Variants in PEX14 observed in about 807,000 individuals in gnomAD.
PEX14 encodes the protein peroxisomal biogenesis factor 14.
Under a neutral mutation model 49.5 loss-of-function variants are expected in PEX14, and 15 were observed. That is an observed-to-expected ratio of 0.30 (90% CI 0.20 to 0.47). PEX14 has a LOEUF of 0.47. Ranked by LOEUF, PEX14 falls within the 20% of genes least tolerant of loss-of-function variation. The pLI is 1.00. For synonymous variants in PEX14, 210 were observed against 212.7 expected, an observed-to-expected ratio of 0.99 and a Z score of 0.11; for missense variants, 398 against 494.8, an observed-to-expected ratio of 0.80 and a Z score of 1.86.
chr1:10,484,434 A>G (rs1185968599), intron 1 of PEX14, among the ~76,000 whole-genome samples: 4 of 151,614 alleles, frequency 2.6e-5, no homozygotes, highest in Non-Finnish European at 4.4e-5. Context: ...TGGCCTCCCA[A>G]TGTGTTGGGA....
chr1:10,528,593 C>G (rs1638557896), intron 2 of PEX14, among the ~76,000 whole-genome samples: 2 of 152,188 alleles, frequency 1.3e-5, no homozygotes, highest in South Asian at 4.1e-4. Context: ...CAGCTTGACA[C>G]CTTCATTAAT....
chr1:10,520,913 G>C (rs1341274590), intron 2 of PEX14, among the ~76,000 whole-genome samples: 1 of 151,378 alleles, frequency 6.6e-6, no homozygotes, highest in Non-Finnish European at 1.5e-5. Flanking sequence ...CCAGCTTTCT[G>C]GTTTCCAGAC....
chr1:10,542,121 T>TA (rs1169010448), intron 3 of PEX14, among the ~76,000 whole-genome samples: 2 of 152,186 alleles, frequency 1.3e-5, no homozygotes, highest in African/African-American at 4.8e-5. Flanking sequence ...GTAAGGCATA[T>TA]ACATGGTCTT....
At chr1:10,605,807 A>G (rs998826198) in intron 4 of PEX14, among the ~76,000 whole-genome samples, 3 of 152,184 alleles carry the variant, frequency 2.0e-5, no homozygotes, top group Non-Finnish European at 1.5e-5. Flanking sequence ...GTATATGAAG[A>G]AAGTATTTCT....
At chr1:10,600,225 G>A (rs984505780) in intron 4 of PEX14, among the ~76,000 whole-genome samples, 3 of 152,224 alleles carry the variant, frequency 2.0e-5, no homozygotes, top group Admixed American at 6.5e-5. Flanking sequence ...TTCGAGACCA[G>A]CCCGGCCAAC....
At chr1:10,624,569 C>A in intron 7 of PEX14, 132 bp downstream of exon 7, 1 of 707,724 alleles carries the variant, frequency 1.4e-6, no homozygotes. Flanking sequence ...GTTACACAGC[C>A]GTGGCCGATG....
intron 2 of PEX14, among the ~76,000 whole-genome samples, chr1:10,520,260 G>A (rs891470657): frequency 3.3e-5 from 5 of 150,734 alleles, no homozygotes; most frequent in African/African-American, 1.2e-4. Flanking sequence ...CTGAGCTCAA[G>A]CGATCCTCCT....
At chr1:10,520,078 G>A (rs1329928604) in intron 2 of PEX14, among the ~76,000 whole-genome samples, 2 of 151,558 alleles carry the variant, frequency 1.3e-5, no homozygotes, top group Non-Finnish European at 2.9e-5. Context: ...GGGCTCAGGC[G>A]ATCCTCTCAC....
intron 3 of PEX14, among the ~76,000 whole-genome samples, chr1:10,587,151 A>G (rs140326506): frequency 4.3e-4 from 65 of 152,284 alleles, no homozygotes; most frequent in Admixed American, 3.7e-3. Flanking sequence ...AATGCCAACA[A>G]AAGTTTCCTT....
intron 4 of PEX14, among the ~76,000 whole-genome samples, chr1:10,617,767 G>A (rs1641468754): frequency 6.6e-6 from 1 of 151,942 alleles, no homozygotes; most frequent in South Asian, 2.1e-4. Context: ...GTCATTTGGA[G>A]ACTTGTGTTT....
At chr1:10,626,588 C>G (rs571163860) in intron 7 of PEX14, among the ~76,000 whole-genome samples, 1 of 152,378 alleles carries the variant, frequency 6.6e-6, no homozygotes, top group East Asian at 1.9e-4. Context: ...AGCCAGGGAA[C>G]GTCCCCTCTG....
chr1:10,580,764 C>T (rs773492853), intron 3 of PEX14, among the ~76,000 whole-genome samples: 1 of 150,796 alleles, frequency 6.6e-6, no homozygotes, highest in Admixed American at 6.6e-5. Flanking sequence ...AATGGACTAC[C>T]GAACATTCCT....
intron 7 of PEX14, among the ~76,000 whole-genome samples, chr1:10,624,976 C>T (rs1641703131): frequency 6.6e-6 from 1 of 152,186 alleles, no homozygotes; most frequent in African/African-American, 2.4e-5. Flanking sequence ...GTGTCCTTGC[C>T]TCACTGCCCA....
chr1:10,576,049 T>C (rs1640107884), intron 3 of PEX14, among the ~76,000 whole-genome samples: 1 of 152,236 alleles, frequency 6.6e-6, no homozygotes, highest in South Asian at 2.1e-4. Flanking sequence ...GTTTATTCAA[T>C]CCTTCTTCCC....
At chr1:10,604,725 C>T (rs906450948) in intron 4 of PEX14, among the ~76,000 whole-genome samples, 2 of 152,136 alleles carry the variant, frequency 1.3e-5, no homozygotes, top group African/African-American at 2.4e-5. Context: ...CAGAGGACAG[C>T]CAAAAGCACA....
chr1:10,489,227 C>T (rs572163734), intron 1 of PEX14, among the ~76,000 whole-genome samples: 12 of 152,056 alleles, frequency 7.9e-5, no homozygotes, highest in East Asian at 5.8e-4. Flanking sequence ...GTGATCCGCC[C>T]GCCTCAGCCT....
chr1:10,621,305 TG>T (rs1641584365), intron 5 of PEX14, among the ~76,000 whole-genome samples: 1 of 150,526 alleles, frequency 6.6e-6, no homozygotes, highest in Non-Finnish European at 1.5e-5. Context: ...ATCTCAGAAA[TG>T]GGGTGTTTAG....
At chr1:10,609,730 C>G (rs527281829) in intron 4 of PEX14, among the ~76,000 whole-genome samples, 1 of 152,118 alleles carries the variant, frequency 6.6e-6, no homozygotes, top group East Asian at 1.9e-4. Context: ...ACTAAACGTA[C>G]AAAAATTAGC....
chr1:10,519,358 C>T (rs1283991495), intron 2 of PEX14, among the ~76,000 whole-genome samples: 2 of 152,086 alleles, frequency 1.3e-5, no homozygotes, highest in Non-Finnish European at 2.9e-5. Context: ...GAAAAGCAAA[C>T]AGAATGCTCT....
Sources: gnomAD v4.1 joint callset for allele counts (sites outside exome capture counted in the v4.1 genomes callset) on GRCh38, gnomAD v4.1.1 for gene constraint, MANE v1.5 for transcripts, NCBI Gene and HGNC (gene_info 2026-07-23, HGNC 2026-07-21) for gene names.